The following AGL variants were observed in gnomAD, a reference collection of about 807,000 sequenced individuals.
AGL encodes amylo-alpha-1,6-glucosidase and 4-alpha-glucanotransferase, also known as glycogen debranching enzyme.
In AGL, 128 loss-of-function variants were observed where a neutral mutation model predicts 199.3. The ratio of observed to expected loss-of-function variants is 0.64; its 90% CI spans 0.56 to 0.74. AGL has a LOEUF of 0.74. Among genes scored for constraint, AGL ranks in the 30% least tolerant of loss-of-function variants. The pLI is 0.00. For synonymous variants in AGL, 584 were observed against 594.7 expected (o/e 0.98, Z 0.26); for missense variants, 1,809 against 1,820.8 (o/e 0.99, Z 0.12).
At position 99,870,266 on chromosome 1, in the gene AGL, C is replaced by A. The variant is rs1054014405; in HGVS notation, c.665-134C>A. ...GAAAAAACTTTTCCTGTAACAGTAT[C>A]ATCGTAAAATTGATGTCCAATATAG... On this transcript the variant is annotated intron_variant, in intron 5 of 33. Transcript: ENST00000361915. 1.1e-5 allele frequency: 10 copies of A among 881,886 alleles called. No individual in the cohort carries two copies. The African/African-American group carries it at 1.7e-4, about 15-fold the overall frequency. The allele number at this position is 881,886 out of a possible 1,614,324, so 54.6% of individuals were successfully genotyped here. A position where few individuals can be genotyped will look rare whatever the true frequency, so the allele number is the denominator to read the frequency against.
In AGL at chr1:99,891,697, C is replaced by T. The variant is rs1184174345; in HGVS notation, c.3041C>T (p.Ala1014Val). Residue 1014 changes from alanine to valine, a missense_variant, in exon 23 of 34, where the codon GCA becomes GTA. By Grantham distance (64) the Ala-to-Val change is moderately conservative. Coordinates refer to ENST00000361915, the MANE Select transcript of AGL (RefSeq NM_000642.3). The part of the protein sequence containing the change: ...PCYFDAILIG[A>V]YTTLLDTAWK... Reference sequence around the variant, plus strand: ...TACTTTGATGCTATATTAATTGGTGCATATACCACTCTTCTGGATACAGCA... The same window carrying T: ...TACTTTGATGCTATATTAATTGGTGTATATACCACTCTTCTGGATACAGCA... 1 of 1,613,530 alleles carries T rather than the reference C, an allele frequency of 6.2e-7. No individual in the cohort carries two copies. The highest frequency in any genetic ancestry group is 1.1e-5 in the South Asian group (1 of 91,064).
intron 12 of AGL, among the ~76,000 whole-genome samples, chr1:99,879,570 G>A (rs1328117981): frequency 6.6e-6 from 1 of 151,716 alleles, no homozygotes; most frequent in Non-Finnish European, 1.5e-5. Context: ...GGCAACAAGA[G>A]CGAAACTTGG....
intron 4 of AGL, among the ~76,000 whole-genome samples, chr1:99,864,152 CATT>C (rs1650306022): frequency 6.6e-6 from 1 of 152,132 alleles, no homozygotes; most frequent in Non-Finnish European, 1.5e-5. Flanking sequence ...AATATTATCT[CATT>C]ATCTCTGTCT....
At chr1:99,852,070 G>C (rs1279093565) in intron 2 of AGL, among the ~76,000 whole-genome samples, 1 of 151,784 alleles carries the variant, frequency 6.6e-6, no homozygotes, top group Non-Finnish European at 1.5e-5. Context: ...TTGTCAACTT[G>C]GTGTCTCTTA....
Position 99,923,057 on chromosome 1 carries a change from C to G in AGL, c.*1406C>G, listed in dbSNP as rs1655618570. The G allele has an allele frequency of 6.6e-6, 1 of 152,082 alleles. No individual in the cohort carries two copies. The highest frequency in any genetic ancestry group is 1.5e-5 in the Non-Finnish European group (1 of 67,970). The allele number at this position is 152,082 out of a possible 1,614,324, so 9.4% of individuals were successfully genotyped here. A position where few individuals can be genotyped will look rare whatever the true frequency, so the allele number is the denominator to read the frequency against. ...TGTAATTTACTTTAAGATTATCTGC[C>G]TGCTCTTCTTCAAAGCTGACCTTGC... On this transcript the variant is annotated 3_prime_UTR_variant, in exon 34 of 34. Transcript: ENST00000361915.
intron 2 of AGL, among the ~76,000 whole-genome samples, chr1:99,857,387 G>A (rs1409786531): frequency 2.0e-5 from 3 of 152,000 alleles, no homozygotes; most frequent in Admixed American, 6.5e-5. Context: ...GGGCAGAGAC[G>A]CTTCTCACTT....
chr1:99,907,686 G>GTTTTTTTTTTTTTTTTTTTTTTTT (rs1238445536), intron 27 of AGL, among the ~76,000 whole-genome samples: 11 of 59,878 alleles, frequency 1.8e-4, no homozygotes, highest in African/African-American at 6.2e-4. Context: ...GTTTGTTTTT[G>GTTTTTTTTTTTTTTTTTTTTTTTT]TTTTTTGTTT....
chr1:99,901,080 G>A (rs1653800560), intron 26 of AGL, among the ~76,000 whole-genome samples: 1 of 151,918 alleles, frequency 6.6e-6, no homozygotes. Flanking sequence ...ACATAAATAT[G>A]GCCATTGCAA....
At chr1:99,861,078 A>T (rs1324181134) in intron 2 of AGL, 12 of 605,768 alleles carry the variant, frequency 2.0e-5, no homozygotes, top group African/African-American at 4.1e-5. Context: ...ACTATCACAT[A>T]CTTTCTGACA....
chr1:99,909,433 A>G (rs1168279339), intron 27 of AGL, among the ~76,000 whole-genome samples: 1 of 152,150 alleles, frequency 6.6e-6, no homozygotes, highest in Non-Finnish European at 1.5e-5. Flanking sequence ...GCTTCCACTC[A>G]GTCTCCACTG....
At chr1:99,871,876 A>G (rs1651046744) in intron 7 of AGL, among the ~76,000 whole-genome samples, 4 of 152,102 alleles carry the variant, frequency 2.6e-5, no homozygotes, top group Non-Finnish European at 5.9e-5. Flanking sequence ...CTTCTTTCCC[A>G]AAACCCACAT....
At chr1:99,897,088 T>C (rs1292404656) in intron 25 of AGL, among the ~76,000 whole-genome samples, 3 of 152,232 alleles carry the variant, frequency 2.0e-5, no homozygotes, top group African/African-American at 7.2e-5. Context: ...GTGCTGGGAT[T>C]ACAGGCGTGA....
rs1042988129 is a variant in AGL, at chr1:99,909,036, C to T, written c.3701-1676C>T. Reference sequence around the variant, plus strand: ...TTAAAGCGTGGTTTTCCAGCTTCCTCCTCTTCAGATCTTCCCTGAAATCTC... The same window carrying T: ...TTAAAGCGTGGTTTTCCAGCTTCCTTCTCTTCAGATCTTCCCTGAAATCTC... On this transcript the variant is annotated intron_variant, in intron 27 of 33. Coordinates refer to ENST00000361915, the MANE Select transcript of AGL (RefSeq NM_000642.3). Among the ~76,000 whole-genome samples, 80 of 152,110 alleles carry T rather than the reference C, an allele frequency of 5.3e-4. 1 individual carries two copies. Among genetic ancestry groups the T allele is most frequent in the African/African-American group, 1.8e-3 (75 of 41,440 alleles).
rs143076729 is a variant in AGL at position 99,902,790 on chromosome 1, C to T, written c.3696C>T (p.Asp1232=). 4.7e-5 allele frequency: 75 copies of T among 1,608,996 alleles called. No homozygotes were observed. The highest frequency in any genetic ancestry group is 2.9e-4 in the African/African-American group (22 of 74,850). The change falls in exon 27 of 34, where the codon GAC becomes GAT. Residue 1232 remains aspartate, a synonymous_variant. Coordinates refer to ENST00000361915, the MANE Select transcript of AGL (RefSeq NM_000642.3). The stretch of plus-strand genomic sequence containing the variant: ...CCCAGATAGATCGAAACATGAAGGA[C>T]GAAGGTACAGAACTTTAACTAAAAT... The part of the protein sequence containing the change: ...AGPQIDRNMK[D]EGFNITAGVD...
intron 20 of AGL, among the ~76,000 whole-genome samples, chr1:99,886,605 G>C (rs1652473318): frequency 2.0e-5 from 3 of 152,160 alleles, no homozygotes; most frequent in Admixed American, 6.5e-5. Flanking sequence ...AGTGTTAGCT[G>C]TTACTAATCA....
chr1:99,872,283 C>G (rs546060490), intron 7 of AGL, among the ~76,000 whole-genome samples: 1 of 152,142 alleles, frequency 6.6e-6, no homozygotes, highest in Non-Finnish European at 1.5e-5. Context: ...GGATAAACTT[C>G]CAGTCTCATA....
chr1:99,866,081 A>T (rs552239061), intron 5 of AGL, among the ~76,000 whole-genome samples: 2 of 152,212 alleles, frequency 1.3e-5, no homozygotes, highest in Non-Finnish European at 2.9e-5. Flanking sequence ...CAGCCTTGGC[A>T]ACATAATGAG....
intron 2 of AGL, among the ~76,000 whole-genome samples, chr1:99,857,072 A>AC (rs1455277425): frequency 4.4e-4 from 65 of 146,070 alleles, no homozygotes; most frequent in Non-Finnish European, 6.3e-4. Context: ...CAGGGGGCTG[A>AC]CCCCCCCACC....
chr1:99,920,968 C>A (rs986894070), intron 33 of AGL, among the ~76,000 whole-genome samples: 5 of 152,084 alleles, frequency 3.3e-5, no homozygotes, highest in African/African-American at 1.2e-4. Context: ...ATGGTACCTT[C>A]CTTACAGGGT....
Sources: allele counts gnomAD v4.1 joint callset (sites outside exome capture counted in the v4.1 genomes callset), GRCh38; gene constraint gnomAD v4.1.1; transcripts MANE v1.5; gene names NCBI Gene and HGNC (gene_info 2026-07-23, HGNC 2026-07-21).